KCNH1: variants seen among roughly 807,000 people sequenced by gnomAD.
KCNH1 encodes the protein voltage-gated delayed rectifier potassium channel KCNH1.
A neutral mutation model predicts 69.2 loss-of-function variants in KCNH1; 27 were observed. That is an observed-to-expected ratio of 0.39 (90% CI 0.29 to 0.54). The LOEUF (loss-of-function observed/expected upper bound fraction) is 0.54, where lower values mean the gene tolerates loss of function less well. Among genes scored for constraint, KCNH1 ranks in the 20% least tolerant of loss-of-function variants. KCNH1 has a pLI of 0.68. For synonymous variants in KCNH1, 456 were observed against 487.7 expected (o/e 0.93, Z 0.86); for missense variants, 798 against 1,261.6 (o/e 0.63, Z 5.57).
chr1:211,027,481 G>A (rs928886801), intron 5 of KCNH1, among the ~76,000 whole-genome samples: 6 of 151,982 alleles, frequency 3.9e-5, no homozygotes, highest in Non-Finnish European at 7.4e-5. Flanking sequence ...GTACATGCCT[G>A]TAGTTTCAGC....
chr1:211,126,248 G>A (rs1346482232), intron 1 of KCNH1, among the ~76,000 whole-genome samples: 4 of 152,164 alleles, frequency 2.6e-5, no homozygotes, highest in South Asian at 4.2e-4. Context: ...GGTAGCTCAC[G>A]CCTGTAATCC....
At chr1:210,915,002 G>T (rs1687306679) in intron 7 of KCNH1, among the ~76,000 whole-genome samples, 1 of 152,104 alleles carries the variant, frequency 6.6e-6, no homozygotes, top group African/African-American at 2.4e-5. Flanking sequence ...AAGAGAATCA[G>T]AAAAGTGCAA....
chr1:210,906,661 G>T (rs773849198), intron 7 of KCNH1, among the ~76,000 whole-genome samples: 52 of 152,324 alleles, frequency 3.4e-4, no homozygotes, highest in Middle Eastern at 3.4e-3. Context: ...AAAGTCGGGG[G>T]TTTATGAGCT....
At chr1:210,729,499 C>T (rs1295368938) in intron 10 of KCNH1, among the ~76,000 whole-genome samples, 1 of 152,312 alleles carries the variant, frequency 6.6e-6, no homozygotes, top group Non-Finnish European at 1.5e-5. Flanking sequence ...TGTGACACCA[C>T]ATTTCTCTTC....
chr1:211,031,566 T>C (rs1689785682), intron 5 of KCNH1, among the ~76,000 whole-genome samples: 1 of 152,078 alleles, frequency 6.6e-6, no homozygotes, highest in African/African-American at 2.4e-5. Context: ...GAAACCATGA[T>C]CAAGTGGGCT....
At chr1:210,971,791 A>G (rs1203406647) in intron 6 of KCNH1, among the ~76,000 whole-genome samples, 1 of 152,142 alleles carries the variant, frequency 6.6e-6, no homozygotes, top group Non-Finnish European at 1.5e-5. Flanking sequence ...TCTGGTATAC[A>G]TTGTATATAT....
At chr1:210,946,716 G>A (rs1574353988) in intron 6 of KCNH1, among the ~76,000 whole-genome samples, 1 of 152,088 alleles carries the variant, frequency 6.6e-6, no homozygotes, top group Non-Finnish European at 1.5e-5. Flanking sequence ...CTCTCCCGCC[G>A]TGTTCTCACA....
At chr1:210,722,580 C>T (rs2149027313) in intron 10 of KCNH1, among the ~76,000 whole-genome samples, 1 of 152,300 alleles carries the variant, frequency 6.6e-6, no homozygotes, top group South Asian at 2.1e-4. Context: ...CTCTGTATGG[C>T]TCTGCCCCAT....
At chr1:210,849,161 A>G (rs1685626889) in intron 7 of KCNH1, among the ~76,000 whole-genome samples, 2 of 152,318 alleles carry the variant, frequency 1.3e-5, no homozygotes, top group African/African-American at 4.8e-5. Flanking sequence ...ATATACATAT[A>G]CTTGTACAGA....
intron 7 of KCNH1, among the ~76,000 whole-genome samples, chr1:210,916,898 T>A (rs6540634): frequency 0.61 from 92,402 of 151,762 alleles, 28,523 homozygotes; most frequent in African/African-American, 0.7. Context: ...ATGTAATCCT[T>A]GCACTTTGGG....
chr1:210,759,305 T>G (rs1196100901), intron 10 of KCNH1, among the ~76,000 whole-genome samples: 1 of 151,974 alleles, frequency 6.6e-6, no homozygotes, highest in Admixed American at 6.6e-5. Context: ...TCCCAAGCAA[T>G]GGATCTGAGC....
rs181914580 is a variant in KCNH1 at position 210,960,045 on chromosome 1, A to G, written c.1033-39976T>C. ...TTCCTATTTGGCCATCTTGGAATGG[A>G]CAAGAGGCTCTCTTTGCCAGAAATG... On this transcript the variant is annotated intron_variant, in intron 6 of 10. Coordinates refer to ENST00000271751, the MANE Select transcript of KCNH1 (RefSeq NM_172362.3). Among the ~76,000 whole-genome samples the G allele has an allele frequency of 2.0e-3, 311 of 152,362 alleles. 3 individuals are homozygous for G. The highest frequency in any genetic ancestry group is 2.9e-3 in the Non-Finnish European group (194 of 68,036).
intron 6 of KCNH1, among the ~76,000 whole-genome samples, chr1:210,942,525 G>A (rs765517441): frequency 2.0e-5 from 3 of 152,094 alleles, no homozygotes; most frequent in African/African-American, 2.4e-5. Flanking sequence ...GTCACAAAGC[G>A]GAGAAACTAT....
intron 5 of KCNH1, among the ~76,000 whole-genome samples, chr1:211,062,574 A>T (rs1690450051): frequency 6.6e-6 from 1 of 152,222 alleles, no homozygotes; most frequent in African/African-American, 2.4e-5. Context: ...ACAAGGGATT[A>T]ATAACCATAG....
intron 10 of KCNH1, among the ~76,000 whole-genome samples, chr1:210,695,038 G>A (rs1394281640): frequency 1.3e-5 from 2 of 152,224 alleles, no homozygotes; most frequent in African/African-American, 2.4e-5. Context: ...GCTTCTCCTT[G>A]GAGTCTGGAT....
At chr1:211,004,229 A>C (rs1166332599) in intron 6 of KCNH1, among the ~76,000 whole-genome samples, 1 of 152,220 alleles carries the variant, frequency 6.6e-6, no homozygotes, top group Non-Finnish European at 1.5e-5. Flanking sequence ...CAGCAGACTA[A>C]ATAAATGCTA....
intron 7 of KCNH1, chr1:210,858,376 C>G (rs920603321): frequency 1.3e-5 from 2 of 152,204 alleles, no homozygotes; most frequent in African/African-American, 4.8e-5. Flanking sequence ...ATACTGAATT[C>G]AAGTCCCTGT....
chr1:210,708,147 A>T (rs1175632989), intron 10 of KCNH1, among the ~76,000 whole-genome samples: 2 of 152,222 alleles, frequency 1.3e-5, no homozygotes, highest in African/African-American at 4.8e-5. Flanking sequence ...CAGGCAAAGA[A>T]GGGGTGTCCC....
intron 7 of KCNH1, among the ~76,000 whole-genome samples, chr1:210,804,719 GA>G (rs1372339094): frequency 6.6e-6 from 1 of 152,208 alleles, no homozygotes; most frequent in Non-Finnish European, 1.5e-5. Flanking sequence ...AGGAATGACA[GA>G]CCTTGAATAA....
Sources: gnomAD v4.1 joint callset for allele counts (sites outside exome capture counted in the v4.1 genomes callset) on GRCh38, gnomAD v4.1.1 for gene constraint, MANE v1.5 for transcripts, NCBI Gene and HGNC (gene_info 2026-07-23, HGNC 2026-07-21) for gene names.